Variants in TAFA5 observed in about 807,000 individuals in gnomAD.
The protein encoded by TAFA5 is chemokine-like protein TAFA-5.
A neutral mutation model predicts 15.3 loss-of-function variants in TAFA5; 6 were observed. The observed-to-expected ratio is 0.39, with a 90% CI of 0.21 to 0.77. The LOEUF (loss-of-function observed/expected upper bound fraction) is 0.77, where lower values mean the gene tolerates loss of function less well. TAFA5 is among the 30% of genes least tolerant of loss of function. TAFA5 has a pLI of 0.41. For synonymous variants in TAFA5, 103 were observed against 80.7 expected (o/e 1.28, Z -1.48); for missense variants, 161 against 193.1 (o/e 0.83, Z 0.98).
intron 1 of TAFA5, among the ~76,000 whole-genome samples, chr22:48,522,043 G>T (rs1405391938): frequency 6.6e-6 from 1 of 152,258 alleles, no homozygotes; most frequent in Non-Finnish European, 1.5e-5. Context: ...TTATTCCTTA[G>T]GATAGGTATT....
At chr22:48,529,039 C>G (rs1323857817) in intron 1 of TAFA5, among the ~76,000 whole-genome samples, 1 of 152,204 alleles carries the variant, frequency 6.6e-6, no homozygotes. Flanking sequence ...CTTGAGGGCA[C>G]TAGAACCCTC....
At position 48,736,052 on chromosome 22, in the gene TAFA5, C is replaced by G. The variant is rs112171405; in HGVS notation, c.391-13787C>G. Among the ~76,000 whole-genome samples, 29 of 55,112 alleles carry G rather than the reference C, an allele frequency of 5.3e-4. 3 individuals carry two copies. Among genetic ancestry groups the G allele is most frequent in the African/African-American group, 2.3e-3 (29 of 12,786 alleles). 36.2% of individuals were successfully genotyped at this position (55,112 alleles called of 152,430 possible). A position where few individuals can be genotyped will look rare whatever the true frequency, so the allele number is the denominator to read the frequency against. On this transcript the variant is annotated intron_variant, in intron 3 of 3. Coordinates refer to ENST00000402357, the MANE Select transcript of TAFA5 (RefSeq NM_001082967.3). Reference sequence around the variant, plus strand: ...ATCGCACTCCTAGGGTCCCTCCCCCCAGGAGGAATGAGAATCGCACTCCTA... The same window carrying G: ...ATCGCACTCCTAGGGTCCCTCCCCCGAGGAGGAATGAGAATCGCACTCCTA...
intron 2 of TAFA5, among the ~76,000 whole-genome samples, chr22:48,675,023 C>G (rs1927928731): frequency 6.6e-6 from 1 of 151,950 alleles, no homozygotes; most frequent in Admixed American, 6.6e-5. Flanking sequence ...CTCACTGCAC[C>G]CTCCGCCTCC....
chr22:48,709,775 T>C (rs1359003674), intron 3 of TAFA5, among the ~76,000 whole-genome samples: 1 of 152,176 alleles, frequency 6.6e-6, no homozygotes, highest in Non-Finnish European at 1.5e-5. Context: ...ACAGACCCTG[T>C]GAGAGCTGGC....
chr22:48,535,405 C>T (rs768673344), intron 1 of TAFA5, among the ~76,000 whole-genome samples: 1 of 152,246 alleles, frequency 6.6e-6, no homozygotes, highest in South Asian at 2.1e-4. Context: ...CAGTATTACA[C>T]GGGTGTGTAT....
intron 3 of TAFA5, among the ~76,000 whole-genome samples, chr22:48,735,496 C>T (rs1318992239): frequency 2.0e-5 from 3 of 152,178 alleles, no homozygotes; most frequent in African/African-American, 7.2e-5. Flanking sequence ...GACCAAAACA[C>T]CCACACAGAG....
chr22:48,496,743 CG>C (rs1311537953), intron 1 of TAFA5, among the ~76,000 whole-genome samples: 1 of 152,130 alleles, frequency 6.6e-6, no homozygotes, highest in Admixed American at 6.5e-5. Flanking sequence ...GAAGGGCAGG[CG>C]GGGTGGTCCA....
chr22:48,579,402 C>A (rs569363713), intron 1 of TAFA5, among the ~76,000 whole-genome samples: 1 of 152,286 alleles, frequency 6.6e-6, no homozygotes, highest in African/African-American at 2.4e-5. Context: ...AGGGGAGAGC[C>A]GTCCTTTCTT....
intron 2 of TAFA5, among the ~76,000 whole-genome samples, chr22:48,691,213 G>T (rs1045454546): frequency 6.6e-6 from 1 of 152,200 alleles, no homozygotes; most frequent in Non-Finnish European, 1.5e-5. Context: ...GGTGCGAGGT[G>T]CAGGGGCCAC....
intron 1 of TAFA5, among the ~76,000 whole-genome samples, chr22:48,620,597 C>G (rs944482423): frequency 8.4e-5 from 12 of 142,702 alleles, no homozygotes; most frequent in Admixed American, 3.5e-4. Context: ...CCACCCACCC[C>G]CCTACCCATC....
At chr22:48,602,470 G>A (rs745576187) in intron 1 of TAFA5, among the ~76,000 whole-genome samples, 13 of 152,324 alleles carry the variant, frequency 8.5e-5, no homozygotes, top group African/African-American at 3.1e-4. Context: ...ACGCCCAGGA[G>A]GCATCCGTGG....
At position 48,550,834 on chromosome 22, in the gene TAFA5, G is replaced by A. The variant is rs1437164359; in HGVS notation, c.112+61130G>A. Among the ~76,000 whole-genome samples the A allele has an allele frequency of 6.6e-6, 1 of 152,086 alleles. No homozygotes were observed. Among genetic ancestry groups the A allele is most frequent in the Non-Finnish European group, 1.5e-5 (1 of 68,010 alleles). ...AAAGAGCGGTGCCTCCAGGATTCAG[G>A]CCTGAGTCGTGCCCGGGACCATGTG... On this transcript the variant is annotated intron_variant, in intron 1 of 3. Transcript: ENST00000402357. The surrounding 1 kb of genome is among the most constrained non-coding windows in gnomAD (Gnocchi z 4.1).
At chr22:48,629,253 C>T (rs1201460497) in intron 1 of TAFA5, among the ~76,000 whole-genome samples, 1 of 152,178 alleles carries the variant, frequency 6.6e-6, no homozygotes, top group Non-Finnish European at 1.5e-5. Flanking sequence ...CTGACTCTCC[C>T]CTGCTTGCTC....
intron 3 of TAFA5, among the ~76,000 whole-genome samples, chr22:48,714,971 A>G (rs184316818): frequency 1.3e-5 from 2 of 152,286 alleles, no homozygotes; most frequent in Non-Finnish European, 1.5e-5. Context: ...CTGTTTGCCA[A>G]ATTTCCTTCT....
At chr22:48,745,955 G>A (rs1452487559) in intron 3 of TAFA5, among the ~76,000 whole-genome samples, 4 of 152,188 alleles carry the variant, frequency 2.6e-5, no homozygotes, top group East Asian at 1.9e-4. Flanking sequence ...GCTGCCACCT[G>A]TGAGACCCGC....
rs189909629 is a variant in TAFA5, at chr22:48,669,809, C to A, written c.262+23063C>A. ...ACTTGCCTGCAGGAATGAACCATAG[C>A]CCAGAGACGTCAGTGCTTTCTGGCC... On this transcript the variant is annotated intron_variant, in intron 2 of 3. Transcript: ENST00000402357. 3.0e-3 allele frequency among the ~76,000 whole-genome samples: 460 copies of A among 152,360 alleles called. 1 individual carries two copies. Among genetic ancestry groups the A allele is most frequent in the Admixed American group, 0.021 (321 of 15,306 alleles).
chr22:48,668,750 A>C (rs1330052429), intron 2 of TAFA5, among the ~76,000 whole-genome samples: 1 of 151,916 alleles, frequency 6.6e-6, no homozygotes, highest in African/African-American at 2.4e-5. Context: ...CCGCGTCTTC[A>C]CTGGGAGCTG....
intron 3 of TAFA5, among the ~76,000 whole-genome samples, chr22:48,731,191 G>C (rs954402847): frequency 6.6e-6 from 1 of 152,220 alleles, no homozygotes; most frequent in Non-Finnish European, 1.5e-5. Context: ...CTCGAATTCT[G>C]TGAAGGCTGA....
intron 3 of TAFA5, among the ~76,000 whole-genome samples, chr22:48,721,067 A>G (rs946465006): frequency 1.3e-5 from 2 of 152,104 alleles, no homozygotes; most frequent in African/African-American, 4.8e-5. Context: ...TGACAGCCCC[A>G]CTGTGTGGTT....
Sources: gnomAD v4.1 joint callset for allele counts (sites outside exome capture counted in the v4.1 genomes callset) on GRCh38, gnomAD v4.1.1 for gene constraint, Gnocchi (gnomAD v3.1) non-coding constraint, MANE v1.5 for transcripts, NCBI Gene and HGNC (gene_info 2026-07-23, HGNC 2026-07-21) for gene names.